The following KCND2 variants were observed in gnomAD, a reference collection of about 807,000 sequenced individuals.
The protein encoded by KCND2 is potassium voltage-gated channel subfamily D member 2, also known as A-type voltage-gated potassium channel KCND2.
A neutral mutation model predicts 54.4 loss-of-function variants in KCND2; 16 were observed. The observed-to-expected ratio is 0.29, with a 90% CI of 0.20 to 0.45. The LOEUF is 0.45. Among genes scored for constraint, KCND2 ranks in the 20% least tolerant of loss-of-function variants. The pLI is 1.00. For synonymous variants in KCND2, 317 were observed against 310.7 expected, an observed-to-expected ratio of 1.02 and a Z score of -0.21; for missense variants, 486 against 824.2, an observed-to-expected ratio of 0.59 and a Z score of 5.02.
chr7:120,595,720 A>G (rs1792736518), intron 1 of KCND2, among the ~76,000 whole-genome samples: 1 of 151,106 alleles, frequency 6.6e-6, no homozygotes, highest in Non-Finnish European at 1.5e-5. Flanking sequence ...TTTTAATCCC[A>G]TTTTTGAGGG....
intron 1 of KCND2, among the ~76,000 whole-genome samples, chr7:120,374,259 T>G (rs1401820791): frequency 6.6e-6 from 1 of 151,828 alleles, no homozygotes; most frequent in African/African-American, 2.4e-5. Context: ...ATTCTAATGC[T>G]TATGACAATT....
At chr7:120,346,059 A>G (rs1338252504) in intron 1 of KCND2, among the ~76,000 whole-genome samples, 1 of 152,116 alleles carries the variant, frequency 6.6e-6, no homozygotes, top group Admixed American at 6.5e-5. Context: ...ATGATATCTC[A>G]TTATGGTTTT....
intron 1 of KCND2, among the ~76,000 whole-genome samples, chr7:120,482,199 C>G (rs900250663): frequency 6.6e-6 from 1 of 152,156 alleles, no homozygotes; most frequent in Non-Finnish European, 1.5e-5. Flanking sequence ...TACTTGGGAC[C>G]AGTTAGCTCT....
chr7:120,715,358 T>C (rs944209938), intron 1 of KCND2, among the ~76,000 whole-genome samples: 3 of 152,184 alleles, frequency 2.0e-5, no homozygotes, highest in South Asian at 2.1e-4. Context: ...ATATCCAATT[T>C]ATGAAAGAAT....
At chr7:120,410,918 T>C (rs779741841) in intron 1 of KCND2, among the ~76,000 whole-genome samples, 5 of 152,020 alleles carry the variant, frequency 3.3e-5, no homozygotes, top group African/African-American at 1.2e-4. Flanking sequence ...GGTGTATATG[T>C]GCCACATTTT....
At chr7:120,537,196 T>C (rs1046520983) in intron 1 of KCND2, among the ~76,000 whole-genome samples, 7 of 152,052 alleles carry the variant, frequency 4.6e-5, no homozygotes, top group African/African-American at 1.5e-4. Context: ...GATCTTCTTG[T>C]ACATTTCTCT....
chr7:120,387,400 T>C (rs960999891), intron 1 of KCND2, among the ~76,000 whole-genome samples: 9 of 152,050 alleles, frequency 5.9e-5, no homozygotes, highest in African/African-American at 2.2e-4. Context: ...TTACTGTTTT[T>C]AAAAAATAAA....
chr7:120,558,559 G>A (rs915441336), intron 1 of KCND2, among the ~76,000 whole-genome samples: 1 of 152,106 alleles, frequency 6.6e-6, no homozygotes, highest in Admixed American at 6.5e-5. Flanking sequence ...GGGATCTGTA[G>A]GATGTATGTG....
chr7:120,285,649 G>T (rs1799329254), intron 1 of KCND2, among the ~76,000 whole-genome samples: 1 of 151,642 alleles, frequency 6.6e-6, no homozygotes, highest in Admixed American at 6.6e-5. Flanking sequence ...TTTAATGTTT[G>T]CAATAAAGGG....
intron 1 of KCND2, among the ~76,000 whole-genome samples, chr7:120,366,350 T>G (rs1800678388): frequency 6.6e-6 from 1 of 151,786 alleles, no homozygotes; most frequent in South Asian, 2.1e-4. Context: ...CTGGACGTGG[T>G]GGCGCATGCC....
intron 1 of KCND2, among the ~76,000 whole-genome samples, chr7:120,615,326 A>G (rs1286944997): frequency 6.6e-6 from 1 of 152,206 alleles, no homozygotes; most frequent in Non-Finnish European, 1.5e-5. Context: ...TGGAATTTGA[A>G]CTGACAAATA....
chr7:120,303,272 TAC>T (rs1235363224), intron 1 of KCND2, among the ~76,000 whole-genome samples: 1 of 152,194 alleles, frequency 6.6e-6, no homozygotes, highest in Non-Finnish European at 1.5e-5. Flanking sequence ...TTTCTAGAGA[TAC>T]ACAACCAAAG....
At chr7:120,740,379 A>C (rs2116171496) in intron 2 of KCND2, among the ~76,000 whole-genome samples, 1 of 152,198 alleles carries the variant, frequency 6.6e-6, no homozygotes, top group Non-Finnish European at 1.5e-5. Flanking sequence ...TTGAGACTAA[A>C]GATAGTATTT....
chr7:120,384,747 G>A (rs1275484319), intron 1 of KCND2, among the ~76,000 whole-genome samples: 1 of 152,062 alleles, frequency 6.6e-6, no homozygotes, highest in Non-Finnish European at 1.5e-5. Flanking sequence ...AAAAAATCCA[G>A]AACTAGCTCA....
At chr7:120,686,207 G>T (rs1322791621) in intron 1 of KCND2, among the ~76,000 whole-genome samples, 1 of 152,118 alleles carries the variant, frequency 6.6e-6, no homozygotes, top group Non-Finnish European at 1.5e-5. Context: ...GAACAATGCT[G>T]AAATGAACAT....
chr7:120,473,162 C>T (rs185067113), intron 1 of KCND2, among the ~76,000 whole-genome samples: 35 of 152,194 alleles, frequency 2.3e-4, no homozygotes, highest in Non-Finnish European at 3.7e-4. Flanking sequence ...CATGGTTCTG[C>T]GGGGCATGTG....
At chr7:120,550,093 G>A (rs879260251) in intron 1 of KCND2, among the ~76,000 whole-genome samples, 12 of 151,936 alleles carry the variant, frequency 7.9e-5, no homozygotes, top group East Asian at 1.9e-4. Flanking sequence ...TTTTAGGTTC[G>A]TTCAGCACTC....
chr7:120,505,232 C>T (rs546411855), intron 1 of KCND2, among the ~76,000 whole-genome samples: 1 of 151,634 alleles, frequency 6.6e-6, no homozygotes, highest in African/African-American at 2.4e-5. Flanking sequence ...CCAAAGATAA[C>T]AACATTCTGT....
At chr7:120,365,497 G>A (rs73431968) in intron 1 of KCND2, among the ~76,000 whole-genome samples, 2,046 of 152,158 alleles carry the variant, frequency 0.013, 46 homozygotes, top group African/African-American at 0.044. Context: ...TCTCTTTTCA[G>A]TCCCTATTCA....
Sources: gnomAD v4.1 joint callset for allele counts (sites outside exome capture counted in the v4.1 genomes callset) on GRCh38, gnomAD v4.1.1 for gene constraint, MANE v1.5 for transcripts, NCBI Gene and HGNC (gene_info 2026-07-23, HGNC 2026-07-21) for gene names.